The following PHF20 variants were observed in gnomAD, a reference collection of about 807,000 sequenced individuals.
The protein encoded by PHF20 is PHD finger protein 20.
Under a neutral mutation model 113.5 loss-of-function variants are expected in PHF20, and 23 were observed. That is an observed-to-expected ratio of 0.20 (90% CI 0.15 to 0.29). The LOEUF (loss-of-function observed/expected upper bound fraction) is 0.29, where lower values mean the gene tolerates loss of function less well. Among genes scored for constraint, PHF20 ranks in the 10% least tolerant of loss-of-function variants. The pLI is 1.00. For missense variants in PHF20, 943 were observed against 1,219.6 expected (o/e 0.77, Z 3.38); for synonymous variants, 434 against 457.3 (o/e 0.95, Z 0.65).
At chr20:35,836,929 C>T (rs1737311852) in intron 2 of PHF20, among the ~76,000 whole-genome samples, 1 of 151,920 alleles carries the variant, frequency 6.6e-6, no homozygotes, top group South Asian at 2.1e-4. Context: ...CTAGCACTTT[C>T]AGAGGCCAAG....
chr20:35,928,292 A>G (rs2055681891), intron 14 of PHF20, among the ~76,000 whole-genome samples: 1 of 151,060 alleles, frequency 6.6e-6, no homozygotes, highest in African/African-American at 2.4e-5. Context: ...TACAAAAATT[A>G]GCTGGGCATG....
intron 17 of PHF20, among the ~76,000 whole-genome samples, chr20:35,944,857 G>A (rs1207994743): frequency 6.6e-6 from 1 of 152,078 alleles, no homozygotes; most frequent in African/African-American, 2.4e-5. Flanking sequence ...GTGCACGTCC[G>A]GCCTCTCCAT....
intron 10 of PHF20, among the ~76,000 whole-genome samples, chr20:35,905,751 C>T (rs1340902255): frequency 2.6e-5 from 4 of 152,196 alleles, no homozygotes; most frequent in Non-Finnish European, 5.9e-5. Flanking sequence ...GGAAAAGCAT[C>T]CCTGTGCCAG....
chr20:35,795,885 C>T (rs1301111550), intron 1 of PHF20, among the ~76,000 whole-genome samples: 4 of 152,082 alleles, frequency 2.6e-5, no homozygotes. Context: ...CAGTCTCACT[C>T]TGTCGCCCAG....
chr20:35,850,717 A>T (rs1600824599), intron 4 of PHF20: 2 of 384,564 alleles, frequency 5.2e-6, no homozygotes, highest in East Asian at 5.5e-5. Flanking sequence ...CCAACAGGGG[A>T]TGGGTTCCAT....
At chr20:35,811,087 G>A (rs529196720) in intron 2 of PHF20, among the ~76,000 whole-genome samples, 9 of 151,730 alleles carry the variant, frequency 5.9e-5, no homozygotes, top group South Asian at 4.2e-4. Context: ...TTGCTCTGTC[G>A]CCAGGCTGGA....
chr20:35,913,893 C>A, intron 11 of PHF20, 140 bp from the exon 12 acceptor site: 1 of 730,366 alleles, frequency 1.4e-6, no homozygotes, highest in Non-Finnish European at 2.3e-6. Context: ...TTCATCTGCT[C>A]TCCACACCTC....
chr20:35,909,389 T>G (rs751959674), intron 10 of PHF20, among the ~76,000 whole-genome samples: 44 of 152,064 alleles, frequency 2.9e-4, no homozygotes, highest in Middle Eastern at 3.2e-3. Flanking sequence ...TGGAACATAG[T>G]ATATGCATGG....
chr20:35,803,930 C>G (rs1274525479), intron 2 of PHF20, among the ~76,000 whole-genome samples: 1 of 151,752 alleles, frequency 6.6e-6, no homozygotes, highest in East Asian at 1.9e-4. Flanking sequence ...TCATAGTTCA[C>G]TGTGGCCTCC....
intron 13 of PHF20, among the ~76,000 whole-genome samples, chr20:35,919,422 C>T (rs573998004): frequency 3.3e-5 from 5 of 151,516 alleles, no homozygotes; most frequent in Admixed American, 3.3e-4. Flanking sequence ...TCACTGCAAC[C>T]TCTGCCTCCC....
intron 9 of PHF20, among the ~76,000 whole-genome samples, chr20:35,874,223 G>A (rs908928126): frequency 6.6e-6 from 1 of 152,160 alleles, no homozygotes; most frequent in Non-Finnish European, 1.5e-5. Context: ...TGATCTACCC[G>A]CCTTGACTTC....
intron 2 of PHF20, among the ~76,000 whole-genome samples, chr20:35,810,489 C>T (rs2041957879): frequency 6.6e-6 from 1 of 152,106 alleles, no homozygotes; most frequent in South Asian, 2.1e-4. Flanking sequence ...CATAAAAGCC[C>T]TGCCACACTG....
chr20:35,900,151 G>T (rs2055067675), intron 10 of PHF20, among the ~76,000 whole-genome samples: 1 of 152,088 alleles, frequency 6.6e-6, no homozygotes, highest in South Asian at 2.1e-4. Flanking sequence ...CATAATAGGG[G>T]TTACCATAAA....
chr20:35,886,988 C>T (rs2054746117), intron 9 of PHF20, among the ~76,000 whole-genome samples: 3 of 152,202 alleles, frequency 2.0e-5, no homozygotes, highest in Admixed American at 1.3e-4. Flanking sequence ...GAATGCCAGA[C>T]TGAGCATTGC....
At chr20:35,912,057 T>G (rs1423503555) in intron 10 of PHF20, among the ~76,000 whole-genome samples, 1 of 151,798 alleles carries the variant, frequency 6.6e-6, no homozygotes, top group Admixed American at 6.6e-5. Flanking sequence ...CTCGGCTCAC[T>G]GCAGCCTCCG....
intron 8 of PHF20, 129 bp from the exon 9 acceptor site, chr20:35,871,521 G>C: frequency 1.4e-6 from 1 of 707,080 alleles, no homozygotes; most frequent in Non-Finnish European, 2.2e-6. Context: ...ACCTGTGAAT[G>C]TATGCTTTTA....
intron 13 of PHF20, among the ~76,000 whole-genome samples, chr20:35,923,264 G>T (rs902304020): frequency 2.0e-5 from 3 of 152,126 alleles, no homozygotes; most frequent in African/African-American, 7.2e-5. Flanking sequence ...TATGTATTAA[G>T]TGTCCAACTC....
At chr20:35,909,104 G>C (rs1388898228) in intron 10 of PHF20, among the ~76,000 whole-genome samples, 1 of 151,986 alleles carries the variant, frequency 6.6e-6, no homozygotes, top group African/African-American at 2.4e-5. Flanking sequence ...CTTTGTTCCT[G>C]ATCTTAAGGG....
intron 3 of PHF20, among the ~76,000 whole-genome samples, chr20:35,846,036 A>G (rs2042617600): frequency 6.6e-6 from 1 of 152,064 alleles, no homozygotes; most frequent in Non-Finnish European, 1.5e-5. Context: ...AAGTGCTGGG[A>G]TTACAGGCAC....
Sources: allele counts gnomAD v4.1 joint callset (sites outside exome capture counted in the v4.1 genomes callset), GRCh38; gene constraint gnomAD v4.1.1; transcripts MANE v1.5; gene names NCBI Gene and HGNC (gene_info 2026-07-23, HGNC 2026-07-21).